Variants in DOCK8 observed in about 807,000 individuals in gnomAD.
The protein encoded by DOCK8 is dedicator of cytokinesis protein 8.
In DOCK8, 141 loss-of-function variants were observed where a neutral mutation model predicts 245.6. The observed-to-expected ratio is 0.57, with a 90% CI of 0.50 to 0.66. DOCK8 has a LOEUF of 0.66. Ranked by LOEUF, DOCK8 falls within the 30% of genes least tolerant of loss-of-function variation. DOCK8 has a pLI of 0.00. For synonymous variants in DOCK8, 1,168 were observed against 970.2 expected, an observed-to-expected ratio of 1.20 and a Z score of -3.79; for missense variants, 2,965 against 2,603.4, an observed-to-expected ratio of 1.14 and a Z score of -3.02.
intron 28 of DOCK8, 47 bp from the exon 29 acceptor site, chr9:414,735 C>G: frequency 6.2e-7 from 1 of 1,612,852 alleles, no homozygotes; most frequent in Non-Finnish European, 8.5e-7. Flanking sequence ...GCTCTTTAGT[C>G]AATTTCCTTT....
intron 15 of DOCK8, 173 bp downstream of exon 15, chr9:368,308 T>A (rs1447787760): frequency 2.7e-6 from 2 of 753,194 alleles, no homozygotes; most frequent in East Asian, 5.1e-5. Flanking sequence ...AGGGTCAGTC[T>A]TACTTGACGA....
At chr9:414,162 C>A (rs1381465667) in intron 28 of DOCK8, among the ~76,000 whole-genome samples, 1 of 151,446 alleles carries the variant, frequency 6.6e-6, no homozygotes, top group East Asian at 1.9e-4. Context: ...CAGACAGTTA[C>A]CATACAAGCC....
intron 22 of DOCK8, 125 bp from the exon 23 acceptor site, chr9:386,206 T>G: frequency 6.4e-6 from 5 of 785,862 alleles, no homozygotes; most frequent in Non-Finnish European, 8.6e-6. Flanking sequence ...ATGGCAATTG[T>G]TTTACCTTTG....
In DOCK8 at chr9:289,533, G is replaced by C. The variant is rs775292492; in HGVS notation, c.356G>C (p.Arg119Thr). 1.2e-5 allele frequency: 20 copies of C among 1,613,490 alleles called. No homozygotes were observed. The highest frequency in any genetic ancestry group is 1.7e-5 in the Non-Finnish European group (20 of 1,179,686). The change falls in exon 4 of 48, where the codon AGG (arginine) becomes ACG (threonine). Residue 119 changes from arginine (R) to threonine (T), a missense_variant. Arg to Thr is a moderately conservative substitution (Grantham distance 71, BLOSUM62 -1). Around this residue, in one of 3 missense-constraint regions of DOCK8, gnomAD observed 2,825 missense variants for 2,453.5 expected, o/e 1.15. Coordinates refer to ENST00000432829, the MANE Select transcript of DOCK8 (RefSeq NM_203447.4). Reference protein sequence around the residue: ...EEGVELDPHVRDCVQTYIREW... With the variant: ...EEGVELDPHVTDCVQTYIREW... Reference sequence around the variant, plus strand: ...AGGGTTGAACTGGACCCTCATGTCAGGGACTGTGTTCAGACCTACATCCGT... The same window carrying C: ...AGGGTTGAACTGGACCCTCATGTCACGGACTGTGTTCAGACCTACATCCGT...
intron 1 of DOCK8, among the ~76,000 whole-genome samples, chr9:268,538 C>G (rs1661057156): frequency 6.6e-6 from 1 of 152,220 alleles, no homozygotes; most frequent in Admixed American, 6.5e-5. Flanking sequence ...CTTTGATCCT[C>G]TCACAGTGCC....
intron 24 of DOCK8, among the ~76,000 whole-genome samples, chr9:394,844 G>C (rs533814672): frequency 1.3e-5 from 2 of 152,332 alleles, no homozygotes; most frequent in South Asian, 4.1e-4. Flanking sequence ...CTGGAGATCT[G>C]GAGGACACAG....
intron 36 of DOCK8, among the ~76,000 whole-genome samples, chr9:430,393 A>G (rs1264896163): frequency 2.6e-5 from 4 of 151,880 alleles, no homozygotes. Context: ...TAATAATAAA[A>G]TAAAATAACC....
intron 5 of DOCK8, among the ~76,000 whole-genome samples, chr9:307,378 A>G (rs528580060): frequency 7.7e-5 from 4 of 52,208 alleles, no homozygotes; most frequent in African/African-American, 1.7e-4. Context: ...TTTTTTTTTG[A>G]GATGGAGTTT....
At chr9:436,805 G>A (rs528972336) in intron 39 of DOCK8, among the ~76,000 whole-genome samples, 229 of 152,214 alleles carry the variant, frequency 1.5e-3, no homozygotes, top group African/African-American at 4.8e-3. Context: ...CCTCATGAAC[G>A]TTACATTCTA....
At chr9:412,726 A>G (rs1182069235) in intron 28 of DOCK8, among the ~76,000 whole-genome samples, 1 of 152,220 alleles carries the variant, frequency 6.6e-6, no homozygotes, top group Non-Finnish European at 1.5e-5. Context: ...AGAGTTATAC[A>G]CTAAAAATGA....
chr9:400,802 TCCACCATCACCACCA>T (rs2054947410), intron 26 of DOCK8, among the ~76,000 whole-genome samples: 1 of 36,660 alleles, frequency 2.7e-5, no homozygotes, highest in East Asian at 6.5e-4. Context: ...CACCACCACC[TCCACCATCACCACCA>T]CCTCCACCAT....
intron 18 of DOCK8, among the ~76,000 whole-genome samples, chr9:375,842 G>T (rs1033682912): frequency 1.3e-5 from 2 of 152,080 alleles, no homozygotes; most frequent in Non-Finnish European, 2.9e-5. Context: ...ACAAAAAATA[G>T]AAAAATTAGT....
intron 11 of DOCK8, 47 bp downstream of exon 11, chr9:334,431 G>T: frequency 6.3e-7 from 1 of 1,596,256 alleles, no homozygotes; most frequent in Non-Finnish European, 8.6e-7. Context: ...CCCAGTGTGC[G>T]CTGCCCAGGT....
At chr9:436,572 G>A (rs1487556692) in intron 39 of DOCK8, among the ~76,000 whole-genome samples, 2 of 151,996 alleles carry the variant, frequency 1.3e-5, no homozygotes, top group Non-Finnish European at 2.9e-5. Context: ...AATATCAATT[G>A]CATTTCATTA....
chr9:234,681 G>T (rs988049753), intron 1 of DOCK8, among the ~76,000 whole-genome samples: 20 of 151,922 alleles, frequency 1.3e-4, no homozygotes, highest in African/African-American at 4.8e-4. Context: ...TTTTCCAGTT[G>T]GTCACATCGG....
chr9:391,177 A>T (rs191846703), intron 24 of DOCK8, among the ~76,000 whole-genome samples: 118 of 152,066 alleles, frequency 7.8e-4, no homozygotes, highest in Non-Finnish European at 1.1e-3. Context: ...CCCAACACAC[A>T]CAGTTTCTAT....
intron 34 of DOCK8, among the ~76,000 whole-genome samples, chr9:427,748 A>C (rs1399021227): frequency 6.6e-6 from 1 of 152,236 alleles, no homozygotes; most frequent in Non-Finnish European, 1.5e-5. Context: ...TAATCATCAT[A>C]CAAAAATAAA....
chr9:401,002 CATTAGCTCCACCATG>C (rs1396221313), intron 26 of DOCK8, among the ~76,000 whole-genome samples: 2 of 116,122 alleles, frequency 1.7e-5, no homozygotes, highest in African/African-American at 3.7e-5. Flanking sequence ...CCACCACCAC[CATTAGCTCCACCATG>C]ACCACCTCCT....
intron 1 of DOCK8, among the ~76,000 whole-genome samples, chr9:264,729 C>G (rs183017726): frequency 2.7e-4 from 41 of 152,232 alleles, no homozygotes; most frequent in African/African-American, 9.1e-4. Flanking sequence ...TAAAAGTGCA[C>G]TTTACTAAAA....
Sources: gnomAD v4.1 joint callset for allele counts (sites outside exome capture counted in the v4.1 genomes callset) on GRCh38, gnomAD v4.1.1 for gene constraint, gnomAD v4.1.1 regional missense constraint, MANE v1.5 for transcripts, NCBI Gene and HGNC (gene_info 2026-07-23, HGNC 2026-07-21) for gene names.